SGCD: variants seen among roughly 807,000 people sequenced by gnomAD.
SGCD encodes the protein delta-sarcoglycan.
Under a neutral mutation model 36.6 loss-of-function variants are expected in SGCD, and 18 were observed. That is an observed-to-expected ratio of 0.49 (90% confidence interval 0.34 to 0.73). The LOEUF (loss-of-function observed/expected upper bound fraction) is 0.73, where lower values mean the gene tolerates loss of function less well. Ranked by LOEUF, SGCD falls within the 30% of genes least tolerant of loss-of-function variation. The pLI is 0.01. For synonymous variants in SGCD, 133 were observed against 130.6 expected, an observed-to-expected ratio of 1.02 and a Z score of -0.12; for missense variants, 387 against 346.7, an observed-to-expected ratio of 1.12 and a Z score of -0.92.
chr5:156,306,566 T>TG (rs1370373098), intron 3 of SGCD, among the ~76,000 whole-genome samples: 1 of 152,234 alleles, frequency 6.6e-6, no homozygotes, highest in Non-Finnish European at 1.5e-5. Flanking sequence ...CACTGTATTC[T>TG]GTCTCCCCCA....
chr5:156,226,324 G>A (rs1002557618), intron 3 of SGCD, among the ~76,000 whole-genome samples: 1 of 152,060 alleles, frequency 6.6e-6, no homozygotes, highest in Non-Finnish European at 1.5e-5. Context: ...CCGATGTTTG[G>A]TTTTCCATTC....
At chr5:156,570,780 C>T (rs1216478225) in intron 4 of SGCD, among the ~76,000 whole-genome samples, 1 of 152,136 alleles carries the variant, frequency 6.6e-6, no homozygotes, top group Non-Finnish European at 1.5e-5. Flanking sequence ...GTTATCTTTC[C>T]TGATCCTTTC....
intron 3 of SGCD, among the ~76,000 whole-genome samples, chr5:156,163,489 G>T (rs1034782369): frequency 2.0e-5 from 3 of 151,684 alleles, no homozygotes; most frequent in South Asian, 4.1e-4. Context: ...GTCCTCAGCT[G>T]TGCTTACTGT....
At chr5:155,762,524 G>A in the SGCD span, among the ~76,000 whole-genome samples, 1 of 152,018 alleles carries the variant, frequency 6.6e-6, no homozygotes, top group Non-Finnish European at 1.5e-5. Flanking sequence ...CACCTATTTG[G>A]CACTCATTTA....
At chr5:156,611,072 C>A (rs59036281) in intron 6 of SGCD, among the ~76,000 whole-genome samples, 7,897 of 152,274 alleles carry the variant, frequency 0.052, 684 homozygotes, top group African/African-American at 0.18. Flanking sequence ...CCAACAGTCC[C>A]CAGTGAGATG....
chr5:155,804,894 G>C, the SGCD span, among the ~76,000 whole-genome samples: 1 of 152,196 alleles, frequency 6.6e-6, no homozygotes, highest in African/African-American at 2.4e-5. Flanking sequence ...GAACATAGGT[G>C]TTGCCTGTAA....
the SGCD span, among the ~76,000 whole-genome samples, chr5:155,810,645 A>G: frequency 6.6e-6 from 1 of 152,028 alleles, no homozygotes; most frequent in African/African-American, 2.4e-5. Context: ...AATTCATCCA[A>G]AATCTTTTAT....
intron 4 of SGCD, among the ~76,000 whole-genome samples, chr5:156,545,879 G>A (rs757331061): frequency 6.6e-6 from 1 of 152,194 alleles, no homozygotes; most frequent in Non-Finnish European, 1.5e-5. Context: ...AATAAATGGA[G>A]TAGAGAAGGA....
At chr5:155,939,731 G>T (rs1392149509) in intron 1 of SGCD, among the ~76,000 whole-genome samples, 1 of 151,574 alleles carries the variant, frequency 6.6e-6, no homozygotes, top group Non-Finnish European at 1.5e-5. Flanking sequence ...TTTCTATCAT[G>T]GGCCTTGACA....
At chr5:155,729,080 C>A in the SGCD span, among the ~76,000 whole-genome samples, 2 of 152,244 alleles carry the variant, frequency 1.3e-5, no homozygotes, top group African/African-American at 4.8e-5. Flanking sequence ...GGTCTCCTTG[C>A]GCTTAATCTG....
intron 6 of SGCD, among the ~76,000 whole-genome samples, chr5:156,603,934 T>G (rs191224933): frequency 1.3e-4 from 20 of 152,154 alleles, no homozygotes; most frequent in Admixed American, 3.9e-4. Context: ...ACAGTTTAAG[T>G]CTAATATTTC....
chr5:156,736,467 A>T (rs1431503303), intron 7 of SGCD, among the ~76,000 whole-genome samples: 1 of 148,438 alleles, frequency 6.7e-6, no homozygotes, highest in Non-Finnish European at 1.5e-5. Flanking sequence ...TAACTTTTGA[A>T]GCTGAACAGA....
intron 6 of SGCD, among the ~76,000 whole-genome samples, chr5:156,637,150 A>C (rs1762857088): frequency 1.3e-5 from 2 of 151,948 alleles, no homozygotes; most frequent in African/African-American, 2.4e-5. Context: ...ATGGTTTTTT[A>C]AGGGGCTTTT....
intron 7 of SGCD, among the ~76,000 whole-genome samples, chr5:156,669,292 G>A (rs1753194142): frequency 6.6e-6 from 1 of 152,064 alleles, no homozygotes; most frequent in Non-Finnish European, 1.5e-5. Context: ...CCAGACACTA[G>A]ATGCTGATTA....
At chr5:155,959,334 C>T (rs1173374078) in intron 1 of SGCD, among the ~76,000 whole-genome samples, 1 of 152,154 alleles carries the variant, frequency 6.6e-6, no homozygotes, top group Non-Finnish European at 1.5e-5. Flanking sequence ...TCATCCCTCT[C>T]TTCAGGTTCC....
chr5:155,814,883 A>G, the SGCD span, among the ~76,000 whole-genome samples: 77 of 152,376 alleles, frequency 5.1e-4, 1 homozygote, highest in South Asian at 0.014. Context: ...AATCTTAACT[A>G]TAAGAAAATA....
chr5:155,731,894 T>C, the SGCD span, among the ~76,000 whole-genome samples: 3 of 151,932 alleles, frequency 2.0e-5, no homozygotes, highest in African/African-American at 7.3e-5. Context: ...GTAGATGGTA[T>C]AGCACCCTTC....
intron 1 of SGCD, among the ~76,000 whole-genome samples, chr5:155,871,949 G>A (rs1218718289): frequency 6.6e-6 from 1 of 152,208 alleles, no homozygotes; most frequent in Non-Finnish European, 1.5e-5. Flanking sequence ...AAGCTCAAGA[G>A]GTAGAAAGTC....
intron 3 of SGCD, among the ~76,000 whole-genome samples, chr5:156,213,128 A>T (rs775352184): frequency 2.6e-5 from 4 of 152,048 alleles, no homozygotes; most frequent in Non-Finnish European, 5.9e-5. Context: ...TAAAGTTAGT[A>T]GAAGGAAGGA....
Sources: allele counts gnomAD v4.1 joint callset (sites outside exome capture counted in the v4.1 genomes callset), GRCh38; gene constraint gnomAD v4.1.1; transcripts MANE v1.5; gene names NCBI Gene and HGNC (gene_info 2026-07-23, HGNC 2026-07-21).